F13A1: variants seen among roughly 807,000 people sequenced by gnomAD.
F13A1 encodes the protein coagulation factor XIII A chain, also known as FSF, A subunit.
In F13A1, 47 loss-of-function variants were observed where a neutral mutation model predicts 80.1. The ratio of observed to expected loss-of-function variants is 0.59; its 90% CI spans 0.46 to 0.75. The LOEUF (loss-of-function observed/expected upper bound fraction) is 0.75. F13A1 is among the 30% of genes least tolerant of loss of function. The pLI is 0.00. For missense variants in F13A1, 817 were observed against 930.4 expected (o/e 0.88, Z 1.59); for synonymous variants, 349 against 344.9 (o/e 1.01, Z -0.13).
At chr6:6,288,516 CT>C (rs778029454) in intron 3 of F13A1, among the ~76,000 whole-genome samples, 5 of 152,206 alleles carry the variant, frequency 3.3e-5, no homozygotes, top group Non-Finnish European at 7.3e-5. Context: ...CTTCTAAGGG[CT>C]GTATAGTACT....
chr6:6,155,485 T>C (rs1253218016), intron 13 of F13A1, among the ~76,000 whole-genome samples: 1 of 152,142 alleles, frequency 6.6e-6, no homozygotes, highest in African/African-American at 2.4e-5. Flanking sequence ...GAAGCCCTTC[T>C]CTGGTTGTAG....
In F13A1 at chr6:6,298,747, C is replaced by T. The variant is rs1447729613; in HGVS notation, c.319+6604G>A. 2.7e-5 allele frequency among the ~76,000 whole-genome samples: 4 copies of T among 149,882 alleles called. 1 individual carries two copies. The highest frequency in any genetic ancestry group is 7.6e-5 in the African/African-American group (3 of 39,302). On this transcript the variant is annotated intron_variant, in intron 3 of 14. Coordinates refer to ENST00000264870, the MANE Select transcript of F13A1 (RefSeq NM_000129.4). ...TTAATTGGAGCATTTAGTCCATTTACATTCAAAGTTAATATTGTTATGTGT... is the reference window on the plus strand; with the variant it reads ...TTAATTGGAGCATTTAGTCCATTTATATTCAAAGTTAATATTGTTATGTGT...
intron 12 of F13A1, among the ~76,000 whole-genome samples, chr6:6,174,161 G>A (rs2151074827): frequency 6.6e-6 from 1 of 152,158 alleles, no homozygotes. Context: ...AGGCCGAGGT[G>A]GGTGGATCAC....
At chr6:6,287,268 T>C (rs1758151288) in intron 3 of F13A1, among the ~76,000 whole-genome samples, 1 of 152,204 alleles carries the variant, frequency 6.6e-6, no homozygotes, top group African/African-American at 2.4e-5. Context: ...GCTGCAAGAA[T>C]GTCTTAGAAT....
chr6:6,239,556 C>A (rs1446062298), intron 6 of F13A1, among the ~76,000 whole-genome samples: 2 of 152,194 alleles, frequency 1.3e-5, no homozygotes, highest in African/African-American at 4.8e-5. Flanking sequence ...ATATATGACC[C>A]AAGCTCTGAT....
At position 6,301,838 on chromosome 6, in the gene F13A1, G is replaced by A. The variant is rs187191809; in HGVS notation, c.319+3513C>T. On this transcript the variant is annotated intron_variant, in intron 3 of 14. Coordinates refer to ENST00000264870, the MANE Select transcript of F13A1 (RefSeq NM_000129.4). ...CAGTCAAGGTATAAAAGGTATAACA[G>A]GCCCATGCCCTTGGCTCAAGGCGAG... Among the ~76,000 whole-genome samples, 10 of 152,178 alleles carry A rather than the reference G, an allele frequency of 6.6e-5. No homozygotes were observed. In the East Asian group the frequency reaches 1.7e-3, roughly 26 times the overall value.
At chr6:6,315,357 C>T (rs141641643) in intron 2 of F13A1, among the ~76,000 whole-genome samples, 2,402 of 152,278 alleles carry the variant, frequency 0.016, 32 homozygotes, top group Non-Finnish European at 0.023. Context: ...ATTAAAGATG[C>T]CTAAAATCAT....
chr6:6,190,224 C>T (rs566641600), intron 10 of F13A1, among the ~76,000 whole-genome samples: 84 of 152,294 alleles, frequency 5.5e-4, no homozygotes, highest in South Asian at 3.9e-3. Flanking sequence ...TCTCTCAGCT[C>T]GTCAAAGTCG....
chr6:6,176,528 G>A (rs1251773722), intron 11 of F13A1, among the ~76,000 whole-genome samples: 2 of 152,326 alleles, frequency 1.3e-5, no homozygotes, highest in East Asian at 1.9e-4. Flanking sequence ...CATTGCATAC[G>A]AATGTGAATG....
At chr6:6,209,323 TA>T (rs34436663) in intron 8 of F13A1, among the ~76,000 whole-genome samples, 20,974 of 131,692 alleles carry the variant, frequency 0.16, 1,675 homozygotes, top group Non-Finnish European at 0.21. Context: ...CAATAATAAT[TA>T]AAAAAAAAAA....
At chr6:6,224,393 C>CT (rs1193932427) in intron 7 of F13A1, among the ~76,000 whole-genome samples, 23 of 151,820 alleles carry the variant, frequency 1.5e-4, no homozygotes, top group Non-Finnish European at 8.8e-5. Context: ...AAGAAAATGG[C>CT]TTTTTTCTCT....
Position 6,195,998 on chromosome 6 carries a change from A to G in F13A1, c.1217-113T>C. 3 of 995,542 alleles carry G rather than the reference A, an allele frequency of 3.0e-6. No homozygotes were observed. The Admixed American group carries it at 5.9e-5, about 20-fold the overall frequency. The allele number at this position is 995,542 out of a possible 1,614,324, so 61.7% of individuals were successfully genotyped here. ...TGTAAAGACCAGTGTTCCCAACTTC[A>G]TTGCTGATTTAGCCCAGATGCTTTC... On this transcript the variant is annotated intron_variant, in intron 9 of 14. Transcript: ENST00000264870.
Position 6,176,405 on chromosome 6 carries a change from T to C in F13A1, c.1460-1538A>G, listed in dbSNP as rs562864783. On this transcript the variant is annotated intron_variant, in intron 11 of 14. Coordinates refer to ENST00000264870, the MANE Select transcript of F13A1 (RefSeq NM_000129.4). Reference sequence around the variant, plus strand: ...ACAGACACTATTATTACCATCACTTTCCTTGTTTGTAAAATAAGGGTGTCT... The same window carrying C: ...ACAGACACTATTATTACCATCACTTCCCTTGTTTGTAAAATAAGGGTGTCT... Among the ~76,000 whole-genome samples the C allele has an allele frequency of 3.9e-5, 6 of 152,312 alleles. No homozygotes were observed. In the East Asian group the frequency reaches 1.2e-3, roughly 29 times the overall value.
Position 6,152,134 on chromosome 6 carries a change from T to A in F13A1, c.1909-185A>T, listed in dbSNP as rs113868178. 1.1e-3 allele frequency among the ~76,000 whole-genome samples: 162 copies of A among 152,352 alleles called. 2 individuals are homozygous for A. The highest frequency in any genetic ancestry group is 3.8e-3 in the African/African-American group (157 of 41,576). On this transcript the variant is annotated intron_variant, in intron 13 of 14. Coordinates refer to ENST00000264870, the MANE Select transcript of F13A1 (RefSeq NM_000129.4). ...ACCTATTGAGAAAGAGATGGAAATT[T>A]ACTAATTAGAATCGCACTCTTTTCC... is the stretch of plus-strand genomic sequence containing the variant.
At chr6:6,238,827 A>T (rs893310073) in intron 6 of F13A1, among the ~76,000 whole-genome samples, 1 of 152,034 alleles carries the variant, frequency 6.6e-6, no homozygotes, top group African/African-American at 2.4e-5. Flanking sequence ...TACCCATTTG[A>T]TTGGTTAAAA....
intron 1 of F13A1, among the ~76,000 whole-genome samples, chr6:6,320,007 T>C (rs752041512): frequency 3.3e-4 from 51 of 152,298 alleles, no homozygotes; most frequent in Non-Finnish European, 6.0e-4. Flanking sequence ...TGTGGCGCGC[T>C]GTCGGGAGAC....
At chr6:6,214,720 A>G (rs1426967638) in intron 8 of F13A1, among the ~76,000 whole-genome samples, 212 of 67,364 alleles carry the variant, frequency 3.1e-3, no homozygotes, top group Non-Finnish European at 4.0e-3. Flanking sequence ...AAAACCCTTC[A>G]AAAAATTAAT....
intron 13 of F13A1, 101 bp from the exon 14 acceptor site, chr6:6,152,050 TA>T (rs1760389659): frequency 4.1e-6 from 6 of 1,468,080 alleles, no homozygotes; most frequent in Non-Finnish European, 5.6e-6. Flanking sequence ...ATGATACAGT[TA>T]TTTTTTTGGC....
intron 10 of F13A1, among the ~76,000 whole-genome samples, chr6:6,186,597 C>A (rs1407310181): frequency 6.6e-6 from 1 of 152,198 alleles, no homozygotes; most frequent in African/African-American, 2.4e-5. Flanking sequence ...TATTTTGGTA[C>A]CAGTACCATG....
Sources: allele counts gnomAD v4.1 joint callset (sites outside exome capture counted in the v4.1 genomes callset), GRCh38; gene constraint gnomAD v4.1.1; transcripts MANE v1.5; gene names NCBI Gene and HGNC (gene_info 2026-07-23, HGNC 2026-07-21).